Variants in SEPTIN9 observed in about 807,000 individuals in gnomAD.
SEPTIN9 encodes septin 9, also known as septin-9.
A neutral mutation model predicts 56.6 loss-of-function variants in SEPTIN9; 13 were observed. The observed-to-expected ratio is 0.23, with a 90% confidence interval of 0.15 to 0.37. The LOEUF (loss-of-function observed/expected upper bound fraction) is 0.37, where lower values mean the gene tolerates loss of function less well. Ranked by LOEUF, SEPTIN9 falls within the 10% of genes least tolerant of loss-of-function variation. SEPTIN9 has a pLI of 1.00. For synonymous variants in SEPTIN9, 332 were observed against 334.1 expected (o/e 0.99, Z 0.07); for missense variants, 650 against 823.1 (o/e 0.79, Z 2.57).
intron 2 of SEPTIN9, among the ~76,000 whole-genome samples, chr17:77,387,856 G>GAC (rs2035389832): frequency 6.6e-6 from 1 of 152,072 alleles, no homozygotes; most frequent in Non-Finnish European, 1.5e-5. Flanking sequence ...TGCTGGGGAA[G>GAC]GTGCCTGATC....
At chr17:77,482,765 C>G in intron 4 of SEPTIN9, 1 of 572,406 alleles carries the variant, frequency 1.7e-6, no homozygotes. Context: ...TCAGCTCTGC[C>G]CTGGAATTGG....
chr17:77,407,259 G>C (rs1389844268), intron 3 of SEPTIN9, among the ~76,000 whole-genome samples: 1 of 131,470 alleles, frequency 7.6e-6, no homozygotes, highest in Non-Finnish European at 1.6e-5. Flanking sequence ...CTCCAGCCTA[G>C]GAGACAGAGT....
At chr17:77,307,115 C>A (rs1300040759) in intron 1 of SEPTIN9, 26 bp from the exon 2 acceptor site, 2 of 1,612,606 alleles carry the variant, frequency 1.2e-6, no homozygotes, top group South Asian at 2.2e-5. Flanking sequence ...CCTTGTGTGA[C>A]CTTTGCCCTT....
At chr17:77,325,993 G>T (rs577440659) in intron 2 of SEPTIN9, among the ~76,000 whole-genome samples, 14 of 152,270 alleles carry the variant, frequency 9.2e-5, no homozygotes, top group African/African-American at 3.4e-4. Flanking sequence ...AGTGGGGCGT[G>T]AGGGTGTCAG....
chr17:77,462,563 T>C (rs868017800), intron 3 of SEPTIN9, among the ~76,000 whole-genome samples: 110 of 152,328 alleles, frequency 7.2e-4, no homozygotes, highest in African/African-American at 2.5e-3. Context: ...GGGTTACAGG[T>C]GTGAGCCACT....
rs563780499 is a variant in SEPTIN9 at position 77,367,629 on chromosome 17, A to G, written c.77-34430A>G. ...CCAGGAGTTCGAGACTACCCTGGCCAACACGGTGAAACCCCATCTCTACTA... is the reference window on the plus strand; with the variant it reads ...CCAGGAGTTCGAGACTACCCTGGCCGACACGGTGAAACCCCATCTCTACTA... On this transcript the variant is annotated intron_variant, in intron 2 of 11. Transcript: ENST00000427177. This position sits in a 1 kb window ranked among gnomAD's most constrained non-coding sequence, Gnocchi z 4.5. 7.8e-4 allele frequency among the ~76,000 whole-genome samples: 119 copies of G among 152,194 alleles called. No homozygotes were observed. The highest frequency in any genetic ancestry group is 2.5e-3 in the South Asian group (12 of 4,816).
chr17:77,329,727 G>C lies in SEPTIN9; in HGVS notation c.76+22530G>C, dbSNP rs923615886. ...TGGTGCCTGAGGACTGCTGTCCACCGTCCCACCATCCTTCAGGTTTCTTCC... is the reference window on the plus strand; with the variant it reads ...TGGTGCCTGAGGACTGCTGTCCACCCTCCCACCATCCTTCAGGTTTCTTCC... On this transcript the variant is annotated intron_variant, in intron 2 of 11. Coordinates refer to ENST00000427177, the MANE Select transcript of SEPTIN9 (RefSeq NM_001113491.2). The surrounding 1 kb of genome is among the most constrained non-coding windows in gnomAD (Gnocchi z 4.3). Among the ~76,000 whole-genome samples the C allele has an allele frequency of 6.6e-6, 1 of 152,128 alleles. No homozygotes were observed. The highest frequency in any genetic ancestry group is 1.5e-5 in the Non-Finnish European group (1 of 68,014).
Position 77,390,157 on chromosome 17 carries a change from TCTG to T in SEPTIN9, c.77-11899_77-11897del, listed in dbSNP as rs552449119. Among the ~76,000 whole-genome samples the T allele has an allele frequency of 4.0e-5, 6 of 151,884 alleles. No homozygotes were observed. In the South Asian group the frequency reaches 1.2e-3, roughly 32 times the overall value. On this transcript the variant is annotated intron_variant, in intron 2 of 11. Transcript: ENST00000427177. ...CTGGAGCCTTTACTGTGGTCCTGGT[TCTG>T]CTCTGCGTAAAGAGAGATGGCTTGA...
intron 3 of SEPTIN9, among the ~76,000 whole-genome samples, chr17:77,407,445 C>T (rs560697690): frequency 1.7e-4 from 26 of 151,892 alleles, no homozygotes; most frequent in Non-Finnish European, 7.4e-5. Context: ...CCCCATGGGT[C>T]GTCCCTAGAG....
intron 2 of SEPTIN9, among the ~76,000 whole-genome samples, chr17:77,361,883 C>A (rs1158408678): frequency 6.6e-6 from 1 of 152,078 alleles, no homozygotes; most frequent in Non-Finnish European, 1.5e-5. Context: ...CCGCCCGCCT[C>A]GGCCTCCCAA....
Position 77,389,187 on chromosome 17 carries a change from C to T in SEPTIN9, c.77-12872C>T, listed in dbSNP as rs94598. ...GGGATGCATTTCTAAGAGCAGCATG[C>T]GTGAAGCCCGGGGTCTGGGCAAAGG... On this transcript the variant is annotated intron_variant, in intron 2 of 11. Transcript: ENST00000427177. The surrounding 1 kb of genome is among the most constrained non-coding windows in gnomAD (Gnocchi z 4.3). Among the ~76,000 whole-genome samples, 99,664 of 151,938 alleles carry T rather than the reference C, an allele frequency of 0.66. 32,901 individuals carry two copies. The highest frequency in any genetic ancestry group is 0.68 in the African/African-American group (28,230 of 41,420).
At chr17:77,292,949 T>C (rs2031633320) in intron 1 of SEPTIN9, among the ~76,000 whole-genome samples, 1 of 152,164 alleles carries the variant, frequency 6.6e-6, no homozygotes, top group Non-Finnish European at 1.5e-5. Flanking sequence ...GTTCATAGGG[T>C]ATGTAATGGG....
At position 77,435,558 on chromosome 17, in the gene SEPTIN9, T is replaced by G. The variant is rs376080836; in HGVS notation, c.721+32855T>G. On this transcript the variant is annotated intron_variant, in intron 3 of 11. Transcript: ENST00000427177. This position sits in a 1 kb window ranked among gnomAD's most constrained non-coding sequence, Gnocchi z 4.5. ...TGGCAGCAGAGTGGCCCCTCCTTGGTGTGGTCTGGAGGTGCCAGTGGTCAC... is the reference window on the plus strand; with the variant it reads ...TGGCAGCAGAGTGGCCCCTCCTTGGGGTGGTCTGGAGGTGCCAGTGGTCAC... 2.3e-3 allele frequency among the ~76,000 whole-genome samples: 346 copies of G among 152,242 alleles called. 8 individuals are homozygous for G. In the South Asian group the frequency reaches 0.056, roughly 24 times the overall value.
chr17:77,478,276 G>T (rs1266184121), intron 3 of SEPTIN9, among the ~76,000 whole-genome samples: 2 of 152,176 alleles, frequency 1.3e-5, no homozygotes, highest in African/African-American at 4.8e-5. Context: ...AGTTGGACTA[G>T]CTCAGTGTCA....
Position 77,449,678 on chromosome 17 carries a change from C to A in SEPTIN9, c.722-32466C>A, listed in dbSNP as rs755489598. On this transcript the variant is annotated intron_variant, in intron 3 of 11. Transcript: ENST00000427177. This position sits in a 1 kb window ranked among gnomAD's most constrained non-coding sequence, Gnocchi z 4.6. Reference sequence around the variant, plus strand: ...AGTTCCTTCTGGCATCCTTTGTCAGCGGTTTCTGGAGCTGCCCTTTAGGGG... The same window carrying A: ...AGTTCCTTCTGGCATCCTTTGTCAGAGGTTTCTGGAGCTGCCCTTTAGGGG... 2.6e-5 allele frequency among the ~76,000 whole-genome samples: 4 copies of A among 152,148 alleles called. No homozygotes were observed. The highest frequency in any genetic ancestry group is 4.4e-5 in the Non-Finnish European group (3 of 68,018).
chr17:77,495,360 C>T (rs1189668525), intron 10 of SEPTIN9, among the ~76,000 whole-genome samples: 3 of 152,154 alleles, frequency 2.0e-5, no homozygotes, highest in Non-Finnish European at 2.9e-5. Context: ...ATCAGGGGCC[C>T]CATGAGTTCA....
At chr17:77,482,749 T>C (rs983310634) in intron 4 of SEPTIN9, 1 of 583,048 alleles carries the variant, frequency 1.7e-6, no homozygotes, top group South Asian at 2.1e-5. Context: ...TCCCAGCAGC[T>C]CAGCTTCAGC....
At position 77,371,763 on chromosome 17, in the gene SEPTIN9, C is replaced by T. The variant is rs932174305; in HGVS notation, c.77-30296C>T. Among the ~76,000 whole-genome samples, 2 of 152,200 alleles carry T rather than the reference C, an allele frequency of 1.3e-5. No individual in the cohort carries two copies. The highest frequency in any genetic ancestry group is 1.5e-5 in the Non-Finnish European group (1 of 68,040). On this transcript the variant is annotated intron_variant, in intron 2 of 11. Transcript: ENST00000427177. This position sits in a 1 kb window ranked among gnomAD's most constrained non-coding sequence, Gnocchi z 4.1. ...GCTCCCAGGCCGACGAGGGTGTGCACGCATCTGAAATGTCTGTGGTTTTGC... is the reference window on the plus strand; with the variant it reads ...GCTCCCAGGCCGACGAGGGTGTGCATGCATCTGAAATGTCTGTGGTTTTGC...
At position 77,445,311 on chromosome 17, in the gene SEPTIN9, G is replaced by T; in HGVS notation, c.722-36833G>T. The stretch of plus-strand genomic sequence containing the variant: ...CGCACCCCCATGCAGAAGCGCGGCC[G>T]CCAGCTCACAAAGGATAGGGAGGGA... On this transcript the variant is annotated intron_variant, in intron 3 of 11. Transcript: ENST00000427177. The surrounding 1 kb of genome is among the most constrained non-coding windows in gnomAD (Gnocchi z 4.7). The T allele has an allele frequency of 2.1e-6, 1 of 465,574 alleles. No homozygotes were observed. 28.8% of individuals were successfully genotyped at this position (465,574 alleles called of 1,614,324 possible). A position where few individuals can be genotyped will look rare whatever the true frequency, so the allele number is the denominator to read the frequency against.
Sources: gnomAD v4.1 joint callset for allele counts (sites outside exome capture counted in the v4.1 genomes callset) on GRCh38, gnomAD v4.1.1 for gene constraint, Gnocchi (gnomAD v3.1) non-coding constraint, MANE v1.5 for transcripts, NCBI Gene and HGNC (gene_info 2026-07-23, HGNC 2026-07-21) for gene names.